Variants in PRMT8 observed in about 807,000 individuals in gnomAD.
The protein encoded by PRMT8 is protein arginine N-methyltransferase 8.
PRMT8 carries 7 observed loss-of-function variants against 47.1 expected under a neutral mutation model. The observed-to-expected ratio is 0.15, with a 90% CI of 0.08 to 0.28. The LOEUF (loss-of-function observed/expected upper bound fraction) is 0.28, where lower values mean the gene tolerates loss of function less well. Among genes scored for constraint, PRMT8 ranks in the 10% least tolerant of loss-of-function variants. The pLI, the probability that PRMT8 is intolerant of heterozygous loss-of-function variation, is 1.00. For synonymous variants in PRMT8, 188 were observed against 186.5 expected (o/e 1.01, Z -0.07); for missense variants, 237 against 505.4 (o/e 0.47, Z 5.09).
rs1372770188 is a variant in PRMT8, at chr12:3,553,659, C to T, written c.426C>T (p.Cys142=). ...TCCTATGCCCTTTCCAGATCGAATG[C>T]TCCAGTATTTCTGACTACTCAGAGA... ...AGAKKVFGIE[C]SSISDYSEKI... The change falls in exon 4 of 10, where the codon TGC becomes TGT. Residue 142 remains cysteine, a synonymous_variant. Coordinates refer to ENST00000382622, the MANE Select transcript of PRMT8 (RefSeq NM_019854.5). 5.0e-6 allele frequency: 8 copies of T among 1,606,338 alleles called. No homozygotes were observed. The highest frequency in any genetic ancestry group is 2.2e-5 in the East Asian group (1 of 44,852).
At position 3,576,663 on chromosome 12, in the gene PRMT8, A is replaced by C. The variant is rs1486845364; in HGVS notation, c.713-208A>C. Among the ~76,000 whole-genome samples, 1 of 152,124 alleles carries C rather than the reference A, an allele frequency of 6.6e-6. No homozygotes were observed. The highest frequency in any genetic ancestry group is 1.5e-5 in the Non-Finnish European group (1 of 68,012). On this transcript the variant is annotated intron_variant, in intron 6 of 9. Coordinates refer to ENST00000382622, the MANE Select transcript of PRMT8 (RefSeq NM_019854.5). The surrounding 1 kb of genome is among the most constrained non-coding windows in gnomAD (Gnocchi z 4.0). ...TTTACCTAACAACAAAGTGGGACTT[A>C]CCTTTTCCCGAGGTAGAAATGGAAA... is the stretch of plus-strand genomic sequence containing the variant.
intron 1 of PRMT8, among the ~76,000 whole-genome samples, chr12:3,507,525 A>G (rs2137125692): frequency 6.6e-6 from 1 of 152,202 alleles, no homozygotes; most frequent in East Asian, 1.9e-4. Flanking sequence ...AGCAGTTATG[A>G]CAGTAATTCT....
intron 1 of PRMT8, among the ~76,000 whole-genome samples, chr12:3,428,643 C>CT (rs146650582): frequency 0.027 from 4,093 of 148,990 alleles, 176 homozygotes; most frequent in African/African-American, 0.094. Flanking sequence ...ATAGGGTACA[C>CT]TTTTTTTTTT....
chr12:3,419,015 A>G (rs966731540), intron 1 of PRMT8, among the ~76,000 whole-genome samples: 2 of 152,254 alleles, frequency 1.3e-5, no homozygotes, highest in Non-Finnish European at 2.9e-5. Flanking sequence ...AAGATTTTTA[A>G]AGCCGTTGGG....
At chr12:3,392,310 G>T (rs866056664) in intron 1 of PRMT8, among the ~76,000 whole-genome samples, 1 of 150,982 alleles carries the variant, frequency 6.6e-6, no homozygotes, top group Non-Finnish European at 1.5e-5. Flanking sequence ...TGCTGCACCC[G>T]CTAACTCATC....
At chr12:3,397,371 A>G (rs1864262935) in intron 1 of PRMT8, among the ~76,000 whole-genome samples, 7 of 151,074 alleles carry the variant, frequency 4.6e-5, no homozygotes, top group Non-Finnish European at 8.9e-5. Context: ...GATGATGGTG[A>G]TGTACTGATG....
chr12:3,496,214 ATTTTT>A (rs1555085718), intron 1 of PRMT8, among the ~76,000 whole-genome samples: 2,076 of 27,832 alleles, frequency 0.075, 222 homozygotes, highest in African/African-American at 0.17. Context: ...ATATATATAT[ATTTTT>A]TTTTTTTTTT....
At position 3,416,131 on chromosome 12, in the gene PRMT8, G is replaced by A. The variant is rs986912192; in HGVS notation, c.48+34689G>A. 2.6e-5 allele frequency among the ~76,000 whole-genome samples: 4 copies of A among 152,144 alleles called. No individual in the cohort carries two copies. In the South Asian group the frequency reaches 8.3e-4, roughly 32 times the overall value. Reference sequence around the variant, plus strand: ...TCAAAAGCCTCCTCGGCCTGCCTAGGTCTCCTCGCTCCACGGGCCTCTCCT... The same window carrying A: ...TCAAAAGCCTCCTCGGCCTGCCTAGATCTCCTCGCTCCACGGGCCTCTCCT... On this transcript the variant is annotated intron_variant, in intron 1 of 9. Coordinates refer to the PRMT8 transcript ENST00000452611.
At chr12:3,423,331 G>C (rs1864564527) in intron 1 of PRMT8, among the ~76,000 whole-genome samples, 1 of 152,214 alleles carries the variant, frequency 6.6e-6, no homozygotes, top group Admixed American at 6.5e-5. Context: ...GGCCAGAATG[G>C]TCAAGGCTCT....
At chr12:3,527,185 GCACCTTATAT>G (rs1865960106) in intron 1 of PRMT8, among the ~76,000 whole-genome samples, 1 of 152,030 alleles carries the variant, frequency 6.6e-6, no homozygotes, top group Admixed American at 6.5e-5. Flanking sequence ...TAATATTATA[GCACCTTATAT>G]ATAGTAATCC....
chr12:3,425,342 G>T (rs187882201), intron 1 of PRMT8, among the ~76,000 whole-genome samples: 1 of 152,352 alleles, frequency 6.6e-6, no homozygotes, highest in African/African-American at 2.4e-5. Context: ...TGCTGGCAAG[G>T]CCCTCAAACA....
At chr12:3,513,954 T>C (rs1398035137) in intron 1 of PRMT8, among the ~76,000 whole-genome samples, 8 of 152,208 alleles carry the variant, frequency 5.3e-5, no homozygotes, top group Admixed American at 5.2e-4. Flanking sequence ...GATTTCCTCC[T>C]AGGAGCCTAT....
At chr12:3,540,864 A>G (rs1866216096) in intron 2 of PRMT8, 73 bp downstream of exon 2, 1 of 1,472,046 alleles carries the variant, frequency 6.8e-7, no homozygotes, top group African/African-American at 1.4e-5. Flanking sequence ...GAGGCAGCAT[A>G]GTGTGTTCAA....
intron 8 of PRMT8, among the ~76,000 whole-genome samples, chr12:3,590,708 G>C (rs560243835): frequency 1.0e-3 from 156 of 152,162 alleles, no homozygotes; most frequent in African/African-American, 3.3e-3. Flanking sequence ...TAATAAGATG[G>C]GTTCTTCTGC....
chr12:3,569,359 T>C lies in PRMT8; in HGVS notation c.625-118T>C. 1.2e-6 allele frequency: 1 copy of C among 848,838 alleles called. No individual in the cohort carries two copies. The highest frequency in any genetic ancestry group is 2.0e-6 in the Non-Finnish European group (1 of 492,844). 52.6% of individuals were successfully genotyped at this position (848,838 alleles called of 1,614,324 possible). ...CACCCCAGACAAGGTGACAGTCCAC[T>C]GCATGAGAGATGGTGGCAAGGGGGT... On this transcript the variant is annotated intron_variant, in intron 5 of 9. Coordinates refer to ENST00000382622, the MANE Select transcript of PRMT8 (RefSeq NM_019854.5). The surrounding 1 kb of genome is among the most constrained non-coding windows in gnomAD (Gnocchi z 8.2).
chr12:3,400,253 G>A (rs1183692135), intron 1 of PRMT8, among the ~76,000 whole-genome samples: 1 of 151,836 alleles, frequency 6.6e-6, no homozygotes, highest in Non-Finnish European at 1.5e-5. Flanking sequence ...ACTAAAATAG[G>A]TAGACCACTA....
chr12:3,450,988 A>G (rs955854895), intron 1 of PRMT8, among the ~76,000 whole-genome samples: 4 of 140,610 alleles, frequency 2.8e-5, no homozygotes, highest in African/African-American at 1.0e-4. Context: ...ACAAAGGCAA[A>G]TCACATCTTA....
chr12:3,513,409 G>A (rs1318781727), intron 1 of PRMT8, among the ~76,000 whole-genome samples: 1 of 152,110 alleles, frequency 6.6e-6, no homozygotes, highest in African/African-American at 2.4e-5. Context: ...CTTGAACAGG[G>A]ATTTTATATC....
At chr12:3,416,762 G>C (rs1025638523) in intron 1 of PRMT8, among the ~76,000 whole-genome samples, 6 of 152,212 alleles carry the variant, frequency 3.9e-5, no homozygotes, top group African/African-American at 1.4e-4. Flanking sequence ...AAGTTGTGCT[G>C]TTGAGGAAAG....
Sources: allele counts gnomAD v4.1 joint callset (sites outside exome capture counted in the v4.1 genomes callset), GRCh38; gene constraint gnomAD v4.1.1; non-coding constraint Gnocchi (gnomAD v3.1); transcripts MANE v1.5; gene names NCBI Gene and HGNC (gene_info 2026-07-23, HGNC 2026-07-21).